The following ZNF654 variants were observed in gnomAD, a reference collection of about 807,000 sequenced individuals.
ZNF654 encodes the protein melanoma-associated antigen.
A neutral mutation model predicts 95.3 loss-of-function variants in ZNF654; 19 were observed. That is an observed-to-expected ratio of 0.20 (90% CI 0.14 to 0.29). The LOEUF (loss-of-function observed/expected upper bound fraction) is 0.29, where lower values mean the gene tolerates loss of function less well. Among genes scored for constraint, ZNF654 ranks in the 10% least tolerant of loss-of-function variants. The pLI, the probability that ZNF654 is intolerant of heterozygous loss-of-function variation, is 1.00. For synonymous variants in ZNF654, 413 were observed against 457.9 expected (o/e 0.90, Z 1.25); for missense variants, 1,046 against 1,341.0 (o/e 0.78, Z 3.44).
chr3:88,070,429 CTTT>C (rs928226050), intron 1 of ZNF654, among the ~76,000 whole-genome samples: 1 of 145,426 alleles, frequency 6.9e-6, no homozygotes, highest in Non-Finnish European at 1.5e-5. Context: ...ATCCAAATTT[CTTT>C]TTTTTTTTAA....
intron 1 of ZNF654, among the ~76,000 whole-genome samples, chr3:88,082,586 A>G (rs1708136585): frequency 1.3e-5 from 2 of 152,238 alleles, no homozygotes; most frequent in African/African-American, 4.8e-5. Context: ...ACGGACGTGA[A>G]TAGCCAACTA....
chr3:88,110,919 C>T (rs187165109), intron 2 of ZNF654, among the ~76,000 whole-genome samples: 2 of 152,116 alleles, frequency 1.3e-5, no homozygotes, highest in African/African-American at 2.4e-5. Context: ...TGGTTTTTCT[C>T]TTTTTAATAT....
intron 8 of ZNF654, 37 bp from the exon 9 acceptor site, chr3:88,141,608 A>T (rs377244287): frequency 7.0e-7 from 1 of 1,433,876 alleles, no homozygotes. Flanking sequence ...TCGAATGTCA[A>T]TAAAACTTGC....
rs1308329178 is a variant in ZNF654, at chr3:88,139,937, A to G, written c.2268A>G (p.Ile756Met). The change falls in exon 8 of 9, where the codon ATA becomes ATG. Residue 756 changes from isoleucine to methionine, a missense_variant. Transcript: ENST00000636215. The stretch of plus-strand genomic sequence containing the variant: ...GTCCTGCTCTTGGTTGTGTCCGGAT[A>G]TTTAAAAGAATTGGGTTTCTAAATA... ...FKCPALGCVR[I>M]FKRIGFLNKH... 2 of 1,613,622 alleles carry G rather than the reference A, an allele frequency of 1.2e-6. No individual in the cohort carries two copies. Among genetic ancestry groups the G allele is most frequent in the Non-Finnish European group, 1.7e-6 (2 of 1,179,794 alleles).
intron 2 of ZNF654, among the ~76,000 whole-genome samples, chr3:88,099,158 T>C (rs1184672128): frequency 2.0e-5 from 3 of 152,140 alleles, no homozygotes; most frequent in African/African-American, 7.2e-5. Context: ...AAAATCAATG[T>C]GCAAAAATCA....
At chr3:88,096,887 A>T (rs559924073) in intron 2 of ZNF654, among the ~76,000 whole-genome samples, 1 of 152,134 alleles carries the variant, frequency 6.6e-6, no homozygotes, top group Non-Finnish European at 1.5e-5. Flanking sequence ...TATAATGCAT[A>T]TATAAGAAAA....
intron 2 of ZNF654, among the ~76,000 whole-genome samples, chr3:88,108,586 A>G (rs1704889503): frequency 6.6e-6 from 1 of 152,180 alleles, no homozygotes; most frequent in South Asian, 2.1e-4. Context: ...CATCCCAACT[A>G]GGATGTGCAT....
At chr3:88,061,381 T>C (rs1706874938) in intron 1 of ZNF654, among the ~76,000 whole-genome samples, 2 of 152,202 alleles carry the variant, frequency 1.3e-5, no homozygotes, top group Admixed American at 1.3e-4. Context: ...CGCTACCTCC[T>C]GTATATCCAA....
chr3:88,105,818 C>G (rs1245567758), intron 2 of ZNF654, among the ~76,000 whole-genome samples: 1 of 152,086 alleles, frequency 6.6e-6, no homozygotes, highest in African/African-American at 2.4e-5. Flanking sequence ...CTTTATCCCC[C>G]CAAAACTCAT....
chr3:88,080,791 T>G (rs1708037160), intron 1 of ZNF654, among the ~76,000 whole-genome samples: 1 of 152,198 alleles, frequency 6.6e-6, no homozygotes, highest in Non-Finnish European at 1.5e-5. Flanking sequence ...AACATTGAAA[T>G]TTGAGGGAAA....
intron 1 of ZNF654, among the ~76,000 whole-genome samples, chr3:88,072,516 T>G (rs1037952884): frequency 1.3e-5 from 2 of 152,176 alleles, no homozygotes; most frequent in African/African-American, 4.8e-5. Context: ...CATATCTGCT[T>G]CTTGGCTTTT....
intron 2 of ZNF654, among the ~76,000 whole-genome samples, chr3:88,099,883 G>A (rs185393686): frequency 2.0e-4 from 30 of 152,086 alleles, no homozygotes; most frequent in Non-Finnish European, 3.1e-4. Context: ...AGAAGAAAAC[G>A]TAGGCAATAC....
intron 1 of ZNF654, among the ~76,000 whole-genome samples, chr3:88,066,253 A>G (rs1201206276): frequency 6.6e-6 from 1 of 152,208 alleles, no homozygotes; most frequent in African/African-American, 2.4e-5. Flanking sequence ...TTGCTTTCCA[A>G]ATAACCACTC....
chr3:88,128,905 T>C lies in ZNF654; in HGVS notation c.647T>C (p.Ile216Thr), dbSNP rs1043494461. 10 of 1,535,562 alleles carry C rather than the reference T, an allele frequency of 6.5e-6. No homozygotes were observed. Among genetic ancestry groups the C allele is most frequent in the African/African-American group, 1.4e-5 (1 of 73,002 alleles). The change falls in exon 5 of 9, where the codon ATT becomes ACT. Residue 216 changes from isoleucine to threonine, a missense_variant. Coordinates refer to ENST00000636215, the MANE Select transcript of ZNF654 (RefSeq NM_001350134.2). ...CGCATACCCGAAGCAATGGCTCTTA[T>C]TAAATCTTGTATAAATCACCCAGAA... ...CERIPEAMAL[I>T]KSCINHPEIS...
At chr3:88,117,637 G>C (rs1191840372) in intron 3 of ZNF654, among the ~76,000 whole-genome samples, 3 of 152,006 alleles carry the variant, frequency 2.0e-5, no homozygotes, top group African/African-American at 7.3e-5. Flanking sequence ...TTTTTATTAT[G>C]GTTATCATGA....
At chr3:88,135,006 G>A in intron 6 of ZNF654, 55 bp from the exon 7 acceptor site, 1 of 1,210,930 alleles carries the variant, frequency 8.3e-7, no homozygotes, top group Non-Finnish European at 1.1e-6. Context: ...GATAGCTAAT[G>A]TCTGTATTTG....
chr3:88,063,228 C>T (rs1033769286), intron 1 of ZNF654, among the ~76,000 whole-genome samples: 3 of 152,104 alleles, frequency 2.0e-5, no homozygotes, highest in African/African-American at 7.2e-5. Flanking sequence ...TTATCTGGTC[C>T]GGAATATCAG....
intron 4 of ZNF654, among the ~76,000 whole-genome samples, 153 bp downstream of exon 4, chr3:88,126,422 A>C (rs899559525): frequency 4.6e-5 from 7 of 152,094 alleles, no homozygotes; most frequent in African/African-American, 1.4e-4. Flanking sequence ...TGTTTTTCTA[A>C]ACTGGCCCAA....
At chr3:88,116,434 C>T (rs1338299518) in intron 3 of ZNF654, among the ~76,000 whole-genome samples, 1 of 151,774 alleles carries the variant, frequency 6.6e-6, no homozygotes, top group Admixed American at 6.6e-5. Flanking sequence ...GCAGGAGAAT[C>T]GCTTGAACCT....
Sources: gnomAD v4.1 joint callset for allele counts (sites outside exome capture counted in the v4.1 genomes callset) on GRCh38, gnomAD v4.1.1 for gene constraint, MANE v1.5 for transcripts, NCBI Gene and HGNC (gene_info 2026-07-23, HGNC 2026-07-21) for gene names.